SPON1: variants seen among roughly 807,000 people sequenced by gnomAD.
SPON1 encodes the protein spondin 1.
Under a neutral mutation model 111.7 loss-of-function variants are expected in SPON1, and 52 were observed. The observed-to-expected ratio is 0.47, with a 90% CI of 0.37 to 0.59. SPON1 has a LOEUF of 0.59. SPON1 is among the 20% of genes least tolerant of loss of function. SPON1 has a pLI of 0.00. For synonymous variants in SPON1, 410 were observed against 395.8 expected, an observed-to-expected ratio of 1.04 and a Z score of -0.43; for missense variants, 957 against 1,068.5, an observed-to-expected ratio of 0.90 and a Z score of 1.46.
chr11:14,161,175 CTATATATTTATATATCTATATATATT>C (rs1847950810), intron 6 of SPON1, among the ~76,000 whole-genome samples: 1 of 8,482 alleles, frequency 1.2e-4, no homozygotes, highest in African/African-American at 3.7e-4. Flanking sequence ...ATCTATATAT[CTATATATTTATATATCTATATATATT>C]TATATATTTA....
At chr11:14,252,021 A>G (rs1230140147) in intron 7 of SPON1, among the ~76,000 whole-genome samples, 2 of 152,248 alleles carry the variant, frequency 1.3e-5, no homozygotes, top group African/African-American at 4.8e-5. Context: ...CACTGCAGGT[A>G]TGTATTGCTA....
chr11:14,151,629 CAACAGCTTAA>C (rs1337484161), intron 6 of SPON1, among the ~76,000 whole-genome samples: 1 of 152,120 alleles, frequency 6.6e-6, no homozygotes, highest in Non-Finnish European at 1.5e-5. Context: ...TACCTCCATG[CAACAGCTTAA>C]ATTTTTTGTC....
chr11:14,030,599 T>C (rs1554915926), intron 2 of SPON1, among the ~76,000 whole-genome samples: 1 of 152,154 alleles, frequency 6.6e-6, no homozygotes, highest in Non-Finnish European at 1.5e-5. Flanking sequence ...TTTGAAGAGA[T>C]GCTAATGCAA....
intron 6 of SPON1, among the ~76,000 whole-genome samples, chr11:14,223,849 G>A (rs1225030463): frequency 5.3e-5 from 8 of 152,208 alleles, no homozygotes; most frequent in Non-Finnish European, 7.4e-5. Context: ...AGAATTAAAT[G>A]TAACAAGAAA....
At chr11:13,979,950 C>T (rs1554909409) in intron 1 of SPON1, among the ~76,000 whole-genome samples, 3 of 152,110 alleles carry the variant, frequency 2.0e-5, no homozygotes, top group Non-Finnish European at 4.4e-5. Context: ...CCAGCTCTGT[C>T]CCCTGACAGC....
intron 6 of SPON1, among the ~76,000 whole-genome samples, chr11:14,173,244 C>T (rs564000466): frequency 5.3e-5 from 8 of 151,560 alleles, no homozygotes; most frequent in Admixed American, 2.0e-4. Context: ...TCATTCATTT[C>T]GTCTTCCATC....
intron 6 of SPON1, among the ~76,000 whole-genome samples, chr11:14,157,922 A>T (rs548163228): frequency 1.3e-5 from 2 of 152,266 alleles, no homozygotes; most frequent in South Asian, 4.1e-4. Flanking sequence ...CCTTGAACAT[A>T]TTAATTATAG....
In SPON1 at chr11:14,256,665, GA is replaced by G; in HGVS notation, c.1283del (p.Asp428AlafsTer43). On this transcript the variant is annotated frameshift_variant, in exon 10 of 16. Transcript: ENST00000576479. LOFTEE classifies it high-confidence loss of function. ...VPDNVDDIVA[D>X]LAPEEKDEDD... The stretch of plus-strand genomic sequence containing the variant: ...TGACAATGTCGATGATATTGTAGCT[GA>G]CCTGGCTCCAGAAGAGAAAGATGAA... 2 of 1,613,734 alleles carry G rather than the reference GA, an allele frequency of 1.2e-6. No individual in the cohort carries two copies. Among genetic ancestry groups the G allele is most frequent in the Non-Finnish European group, 1.7e-6 (2 of 1,179,788 alleles).
chr11:14,084,598 G>A, intron 5 of SPON1, among the ~76,000 whole-genome samples: 1 of 152,186 alleles, frequency 6.6e-6, no homozygotes, highest in Non-Finnish European at 1.5e-5. Context: ...AAACAGTGCT[G>A]CAATAAGCAT....
At chr11:14,176,809 C>G (rs916178657) in intron 6 of SPON1, among the ~76,000 whole-genome samples, 1 of 152,134 alleles carries the variant, frequency 6.6e-6, no homozygotes, top group African/African-American at 2.4e-5. Flanking sequence ...AAAAGGGGTG[C>G]CACCGAACCA....
intron 6 of SPON1, among the ~76,000 whole-genome samples, chr11:14,234,790 A>C (rs1444633403): frequency 6.6e-6 from 1 of 152,248 alleles, no homozygotes; most frequent in Admixed American, 6.5e-5. Context: ...TTTCCCATCG[A>C]AATTACAAGC....
intron 6 of SPON1, among the ~76,000 whole-genome samples, chr11:14,157,035 T>G (rs532070834): frequency 6.6e-6 from 1 of 152,300 alleles, no homozygotes; most frequent in South Asian, 2.1e-4. Flanking sequence ...ACTACCATCT[T>G]AAGTATTATT....
intron 1 of SPON1, among the ~76,000 whole-genome samples, chr11:13,972,718 A>G (rs961508432): frequency 6.6e-6 from 1 of 152,186 alleles, no homozygotes; most frequent in Non-Finnish European, 1.5e-5. Context: ...TTAGTTCTGA[A>G]TACTGTTTCC....
At chr11:14,143,105 G>T (rs1847675665) in intron 6 of SPON1, among the ~76,000 whole-genome samples, 1 of 152,218 alleles carries the variant, frequency 6.6e-6, no homozygotes, top group Non-Finnish European at 1.5e-5. Flanking sequence ...GTGACTCTTA[G>T]TGAAGCACCA....
rs367556743 is a variant in SPON1 at position 14,254,519 on chromosome 11, C to T, written c.891-9C>T. The T allele has an allele frequency of 1.2e-5, 19 of 1,585,016 alleles. No homozygotes were observed. The highest frequency in any genetic ancestry group is 1.1e-4 in the East Asian group (5 of 44,694). Reference sequence around the variant, plus strand: ...CTCTAATATAATGGTCTCTGTATTTCGTTTCCAGGAGAGCAGCACCTTCAG... The same window carrying T: ...CTCTAATATAATGGTCTCTGTATTTTGTTTCCAGGAGAGCAGCACCTTCAG... On this transcript the variant is annotated splice_polypyrimidine_tract_variant and intron_variant, in intron 7 of 15. Transcript: ENST00000576479.
chr11:14,128,582 G>T (rs1406262429), intron 5 of SPON1, among the ~76,000 whole-genome samples: 1 of 152,216 alleles, frequency 6.6e-6, no homozygotes, highest in African/African-American at 2.4e-5. Flanking sequence ...GGTACACAGT[G>T]CAAGCTGTCA....
At chr11:13,967,312 A>G (rs1848025263) in intron 1 of SPON1, among the ~76,000 whole-genome samples, 1 of 152,262 alleles carries the variant, frequency 6.6e-6, no homozygotes. Flanking sequence ...AAATCAAGAT[A>G]GTAACTGACA....
intron 6 of SPON1, among the ~76,000 whole-genome samples, chr11:14,195,834 T>G (rs534380987): frequency 1.8e-4 from 28 of 152,298 alleles, no homozygotes; most frequent in African/African-American, 6.5e-4. Flanking sequence ...AACATTGTCA[T>G]GATTAGCTAT....
intron 6 of SPON1, among the ~76,000 whole-genome samples, chr11:14,201,111 C>G (rs1400240529): frequency 6.6e-6 from 1 of 151,888 alleles, no homozygotes; most frequent in Admixed American, 6.6e-5. Context: ...GAGGCCAGGG[C>G]GGGTAGATCA....
Sources: gnomAD v4.1 joint callset for allele counts (sites outside exome capture counted in the v4.1 genomes callset) on GRCh38, gnomAD v4.1.1 for gene constraint, MANE v1.5 for transcripts, NCBI Gene and HGNC (gene_info 2026-07-23, HGNC 2026-07-21) for gene names.